The following CNTN4 variants were observed in gnomAD, a reference collection of about 807,000 sequenced individuals.
CNTN4 encodes the protein contactin-4.
Under a neutral mutation model 122.5 loss-of-function variants are expected in CNTN4, and 77 were observed. The ratio of observed to expected loss-of-function variants is 0.63; its 90% CI spans 0.52 to 0.76. The LOEUF is 0.76. Ranked by LOEUF, CNTN4 falls within the 30% of genes least tolerant of loss-of-function variation. The probability of loss-of-function intolerance (pLI) is 0.00; values close to 1 mark genes in which losing one functional copy is unlikely to be tolerated. For synonymous variants in CNTN4, 512 were observed against 447.0 expected (o/e 1.15, Z -1.83); for missense variants, 1,256 against 1,259.1 (o/e 1.00, Z 0.04).
chr3:2,457,842 T>A lies in CNTN4; in HGVS notation c.-88-113574T>A, dbSNP rs1380730653. Among the ~76,000 whole-genome samples, 5 of 152,198 alleles carry A rather than the reference T, an allele frequency of 3.3e-5. No individual in the cohort carries two copies. In the East Asian group the frequency reaches 9.6e-4, roughly 29 times the overall value. On this transcript the variant is annotated intron_variant, in intron 3 of 24. Transcript: ENST00000418658. ...TTTACATCCCAAGTGTGAGATCCTG[T>A]CTGTTAACTGTCTTTCTCAGTTGAG...
At chr3:2,528,967 C>T (rs2077498134) in intron 3 of CNTN4, among the ~76,000 whole-genome samples, 1 of 152,016 alleles carries the variant, frequency 6.6e-6, no homozygotes, top group Non-Finnish European at 1.5e-5. Flanking sequence ...ATTCAAAATC[C>T]TCTCTTCTAG....
At chr3:2,931,684 A>G (rs2094521683) in intron 13 of CNTN4, among the ~76,000 whole-genome samples, 1 of 152,176 alleles carries the variant, frequency 6.6e-6, no homozygotes, top group African/African-American at 2.4e-5. Flanking sequence ...GCTGGACAGC[A>G]GTGGTGAGAT....
chr3:2,562,077 C>A (rs34729686), intron 3 of CNTN4, among the ~76,000 whole-genome samples: 45,017 of 151,964 alleles, frequency 0.3, 7,911 homozygotes, highest in East Asian at 0.55. Context: ...GATGAAGTAT[C>A]TGAGGGGCAA....
At position 2,554,055 on chromosome 3, in the gene CNTN4, T is replaced by C. The variant is rs576930643; in HGVS notation, c.-88-17361T>C. ...TGAATTGATATCTCATTTAAATTAA[T>C]CTACATCACAAACCTTGTTCAGCTT... On this transcript the variant is annotated intron_variant, in intron 3 of 24. Coordinates refer to ENST00000418658, the MANE Select transcript of CNTN4 (RefSeq NM_175607.3). 5.3e-5 allele frequency among the ~76,000 whole-genome samples: 8 copies of C among 152,302 alleles called. No individual in the cohort carries two copies. In the South Asian group the frequency reaches 1.4e-3, roughly 28 times the overall value.
At chr3:2,303,065 A>C (rs190443167) in intron 2 of CNTN4, among the ~76,000 whole-genome samples, 7 of 152,198 alleles carry the variant, frequency 4.6e-5, no homozygotes, top group African/African-American at 1.7e-4. Context: ...CTTCAAGAGT[A>C]TGAAGTATAG....
intron 4 of CNTN4, among the ~76,000 whole-genome samples, chr3:2,613,995 A>C (rs1462196836): frequency 6.6e-6 from 1 of 152,210 alleles, no homozygotes; most frequent in African/African-American, 2.4e-5. Flanking sequence ...AGATAGATAA[A>C]GTACTTTTTC....
chr3:2,996,943 C>T (rs1048365489), intron 14 of CNTN4, among the ~76,000 whole-genome samples: 1 of 152,166 alleles, frequency 6.6e-6, no homozygotes, highest in African/African-American at 2.4e-5. Context: ...TTTTGAAATA[C>T]ATAAATAAAA....
At chr3:2,714,019 C>G (rs867612229) in intron 4 of CNTN4, among the ~76,000 whole-genome samples, 1 of 152,114 alleles carries the variant, frequency 6.6e-6, no homozygotes, top group Non-Finnish European at 1.5e-5. Flanking sequence ...TAAATGTTAG[C>G]TATTTTCACT....
intron 2 of CNTN4, among the ~76,000 whole-genome samples, chr3:2,164,520 G>T (rs1206180242): frequency 1.3e-5 from 2 of 152,158 alleles, no homozygotes; most frequent in East Asian, 1.9e-4. Context: ...CACATTGAAT[G>T]ACCTCACTAC....
At chr3:2,935,590 A>G (rs1394435116) in intron 13 of CNTN4, among the ~76,000 whole-genome samples, 1 of 152,218 alleles carries the variant, frequency 6.6e-6, no homozygotes, top group Non-Finnish European at 1.5e-5. Context: ...TACAAGATGT[A>G]TTTGAGATTA....
At chr3:2,969,516 G>GATTATTATT (rs57712177) in intron 13 of CNTN4, among the ~76,000 whole-genome samples, 6 of 121,464 alleles carry the variant, frequency 4.9e-5, no homozygotes, top group South Asian at 4.3e-4. Flanking sequence ...GGAAAATTGG[G>GATTATTATT]ATTATTATTA....
At chr3:2,453,010 G>A (rs1318494317) in intron 3 of CNTN4, among the ~76,000 whole-genome samples, 4 of 151,908 alleles carry the variant, frequency 2.6e-5, no homozygotes, top group South Asian at 4.2e-4. Flanking sequence ...TTAGATCTTT[G>A]CAATTATTCG....
In CNTN4 at chr3:2,576,011, AT is replaced by A. The variant is rs528417701; in HGVS notation, c.55+4458del. On this transcript the variant is annotated intron_variant, in intron 4 of 24. Transcript: ENST00000418658. ...CACCATGCCTGGCTAATTTTTTTGTATTTTTAGTAGAGACGGGGTTTCACCA... is the reference window on the plus strand; with the variant it reads ...CACCATGCCTGGCTAATTTTTTTGTATTTTAGTAGAGACGGGGTTTCACCA... 3.5e-3 allele frequency among the ~76,000 whole-genome samples: 533 copies of A among 151,432 alleles called. 5 individuals carry two copies. Among genetic ancestry groups the A allele is most frequent in the South Asian group, 0.028 (133 of 4,774 alleles).
chr3:2,268,375 T>C (rs527482497), intron 2 of CNTN4, among the ~76,000 whole-genome samples: 90 of 152,180 alleles, frequency 5.9e-4, no homozygotes, highest in African/African-American at 2.1e-3. Flanking sequence ...GCGTGTGACT[T>C]CTCAGGAATT....
chr3:2,486,289 C>A (rs193123998), intron 3 of CNTN4, among the ~76,000 whole-genome samples: 1 of 152,292 alleles, frequency 6.6e-6, no homozygotes, highest in Non-Finnish European at 1.5e-5. Context: ...CTGTAACACT[C>A]ACCCACCGTA....
chr3:2,729,636 C>T (rs1465531776), intron 4 of CNTN4, among the ~76,000 whole-genome samples: 1 of 151,534 alleles, frequency 6.6e-6, no homozygotes, highest in African/African-American at 2.4e-5. Flanking sequence ...ATGCATAGGC[C>T]AGGAGCAGTG....
chr3:2,337,018 G>C (rs1389364003), intron 2 of CNTN4, among the ~76,000 whole-genome samples: 2 of 152,122 alleles, frequency 1.3e-5, no homozygotes. Context: ...GTAGAACATA[G>C]GGCTGGTCTT....
intron 3 of CNTN4, among the ~76,000 whole-genome samples, chr3:2,395,545 C>G (rs2046610879): frequency 6.6e-6 from 1 of 152,160 alleles, no homozygotes; most frequent in South Asian, 2.1e-4. Context: ...GATCTCATCA[C>G]CCACGCAGTG....
In CNTN4 at chr3:2,886,865, A is replaced by G. The variant is rs72622144; in HGVS notation, c.756-175A>G. Among the ~76,000 whole-genome samples, 284 of 152,326 alleles carry G rather than the reference A, an allele frequency of 1.9e-3. 10 individuals are homozygous for G. In the East Asian group the frequency reaches 0.044, roughly 24 times the overall value. ...AGTTATTTGATTTTAAGAACACTAA[A>G]TAAGTAATGCTAGAGATGTGGATAT... On this transcript the variant is annotated intron_variant, in intron 9 of 24. Transcript: ENST00000418658.
Sources: allele counts gnomAD v4.1 joint callset (sites outside exome capture counted in the v4.1 genomes callset), GRCh38; gene constraint gnomAD v4.1.1; transcripts MANE v1.5; gene names NCBI Gene and HGNC (gene_info 2026-07-23, HGNC 2026-07-21).